The following CCDC178 variants were observed in gnomAD, a reference collection of about 807,000 sequenced individuals.
CCDC178 encodes the protein coiled-coil domain-containing protein 178.
Under a neutral mutation model 117.4 loss-of-function variants are expected in CCDC178, and 126 were observed. The observed-to-expected ratio is 1.07, with a 90% CI of 0.93 to 1.24. The LOEUF is 1.24. Ranked by LOEUF, CCDC178 falls within the 50% of genes most tolerant of loss-of-function variation. CCDC178 has a pLI of 0.00. For missense variants in CCDC178, 1,030 were observed against 986.9 expected (o/e 1.04, Z -0.59); for synonymous variants, 283 against 313.4 (o/e 0.90, Z 1.02).
intron 3 of CCDC178, among the ~76,000 whole-genome samples, chr18:33,398,422 A>ATTGAGAT (rs1269396191): frequency 2.0e-5 from 3 of 152,182 alleles, no homozygotes; most frequent in African/African-American, 7.2e-5. Context: ...CAAATATAAA[A>ATTGAGAT]TTGAGATTTG....
At chr18:32,982,317 T>C (rs2055170306) in intron 21 of CCDC178, among the ~76,000 whole-genome samples, 1 of 152,150 alleles carries the variant, frequency 6.6e-6, no homozygotes, top group Non-Finnish European at 1.5e-5. Context: ...AACAGTCTTT[T>C]TAATTAAAAT....
chr18:33,367,863 T>A (rs769447728), intron 6 of CCDC178, among the ~76,000 whole-genome samples: 1 of 151,930 alleles, frequency 6.6e-6, no homozygotes, highest in Admixed American at 6.6e-5. Context: ...AACAGAAAGT[T>A]TGTCATTAGC....
chr18:33,037,047 C>G (rs577630427), intron 21 of CCDC178, among the ~76,000 whole-genome samples: 2 of 151,982 alleles, frequency 1.3e-5, no homozygotes, highest in African/African-American at 4.8e-5. Flanking sequence ...CAGGAGAGAA[C>G]AGTTCTTCAG....
At chr18:33,251,824 C>CTTGT (rs1355524899) in intron 14 of CCDC178, among the ~76,000 whole-genome samples, 1 of 151,710 alleles carries the variant, frequency 6.6e-6, no homozygotes, top group Non-Finnish European at 1.5e-5. Flanking sequence ...ACTTAGCATA[C>CTTGT]TTGTGTTTTA....
In CCDC178 at chr18:32,953,035, G is replaced by A. The variant is rs540499503; in HGVS notation, c.2524-14944C>T. Among the ~76,000 whole-genome samples, 6 of 152,140 alleles carry A rather than the reference G, an allele frequency of 3.9e-5. No homozygotes were observed. In the East Asian group the frequency reaches 9.7e-4, roughly 25 times the overall value. On this transcript the variant is annotated intron_variant, in intron 22 of 22. Transcript: ENST00000383096. ...GATCTGCCTGCCTCGGCCTCCCAAA[G>A]TGCTGGGATTACAGGTGTGATCCAC...
chr18:33,008,999 A>G (rs1373679487), intron 21 of CCDC178, among the ~76,000 whole-genome samples: 2 of 151,984 alleles, frequency 1.3e-5, no homozygotes, highest in African/African-American at 4.8e-5. Context: ...TTCTTTTGCC[A>G]TTTAAGACCA....
chr18:33,412,476 CT>C (rs1555700224), intron 2 of CCDC178, among the ~76,000 whole-genome samples: 1 of 6,672 alleles, frequency 1.5e-4, no homozygotes, highest in Non-Finnish European at 3.5e-4. Context: ...TTACTACCAT[CT>C]ATCTCTTCTT....
chr18:33,411,145 G>C (rs899627084), intron 3 of CCDC178, among the ~76,000 whole-genome samples: 8 of 152,186 alleles, frequency 5.3e-5, no homozygotes, highest in African/African-American at 1.9e-4. Context: ...GAATGTTCAT[G>C]ATGCTGTATG....
intron 20 of CCDC178, among the ~76,000 whole-genome samples, chr18:33,096,120 C>CA (rs1483165278): frequency 1.3e-5 from 2 of 150,516 alleles, no homozygotes; most frequent in African/African-American, 4.9e-5. Context: ...CTCCCCACCC[C>CA]CCCCACTTGA....
chr18:32,943,528 C>T (rs534961375), intron 22 of CCDC178, among the ~76,000 whole-genome samples: 34 of 151,990 alleles, frequency 2.2e-4, no homozygotes, highest in Admixed American at 1.8e-3. Context: ...ACTATTAATA[C>T]TTCATTTTTT....
At chr18:33,142,474 G>A (rs1315038405) in intron 20 of CCDC178, among the ~76,000 whole-genome samples, 1 of 152,136 alleles carries the variant, frequency 6.6e-6, no homozygotes. Flanking sequence ...TACATAGAAT[G>A]GATGACTAGA....
At chr18:33,072,051 T>C (rs1057027303) in intron 21 of CCDC178, among the ~76,000 whole-genome samples, 4 of 152,114 alleles carry the variant, frequency 2.6e-5, no homozygotes, top group Non-Finnish European at 5.9e-5. Flanking sequence ...GAGTATGATA[T>C]GCAAGGACTT....
intron 6 of CCDC178, among the ~76,000 whole-genome samples, chr18:33,367,991 G>C (rs9946821): frequency 0.011 from 1,644 of 151,940 alleles, 24 homozygotes; most frequent in African/African-American, 0.038. Context: ...TTGTTATTGT[G>C]TGTTTCTTCT....
At chr18:33,216,408 T>C (rs765068445) in intron 18 of CCDC178, among the ~76,000 whole-genome samples, 12 of 152,094 alleles carry the variant, frequency 7.9e-5, no homozygotes, top group Non-Finnish European at 1.5e-4. Context: ...CATTTGATTG[T>C]GCATCTATTT....
chr18:33,160,733 G>GT (rs1387586367), intron 20 of CCDC178, among the ~76,000 whole-genome samples: 1 of 152,020 alleles, frequency 6.6e-6, no homozygotes, highest in African/African-American at 2.4e-5. Context: ...AAGCATCTTG[G>GT]TTTAAGTGTT....
At position 33,223,118 on chromosome 18, in the gene CCDC178, TA is replaced by T. The variant is rs1161077069; in HGVS notation, c.1919del (p.Leu640Ter). ...CTTAAATTCTTACCTCAGTTTCTAT[TA>T]ATGCATCAAGGGTTTTCTTCCCCTT... ...RKKGKKTLDA[L>X]IETESKRSAI... On this transcript the variant is annotated frameshift_variant, in exon 18 of 23. Coordinates refer to ENST00000383096, the MANE Select transcript of CCDC178 (RefSeq NM_001105528.4). LOFTEE classifies it high-confidence loss of function. 5 of 1,598,334 alleles carry T rather than the reference TA, an allele frequency of 3.1e-6. No individual in the cohort carries two copies. Among genetic ancestry groups the T allele is most frequent in the Non-Finnish European group, 3.4e-6 (4 of 1,169,822 alleles).
At chr18:33,218,586 T>G (rs2059195329) in intron 18 of CCDC178, among the ~76,000 whole-genome samples, 1 of 152,134 alleles carries the variant, frequency 6.6e-6, no homozygotes, top group South Asian at 2.1e-4. Context: ...TGGTTTTAGG[T>G]CTAACATTTA....
intron 12 of CCDC178, among the ~76,000 whole-genome samples, chr18:33,274,066 T>C (rs925393226): frequency 1.3e-5 from 2 of 151,568 alleles, no homozygotes; most frequent in African/African-American, 4.8e-5. Flanking sequence ...GAACGGAATA[T>C]AAAATGGACA....
At chr18:32,973,518 T>C (rs549446739) in intron 22 of CCDC178, among the ~76,000 whole-genome samples, 19 of 152,224 alleles carry the variant, frequency 1.2e-4, no homozygotes, top group Admixed American at 8.5e-4. Context: ...TTTCTTCTAT[T>C]ATTTTAAATT....
Sources: gnomAD v4.1 joint callset for allele counts (sites outside exome capture counted in the v4.1 genomes callset) on GRCh38, gnomAD v4.1.1 for gene constraint, MANE v1.5 for transcripts, NCBI Gene and HGNC (gene_info 2026-07-23, HGNC 2026-07-21) for gene names.